Variants in TSNARE1 observed in about 807,000 individuals in gnomAD.
TSNARE1 encodes the protein t-SNARE domain-containing protein 1.
In TSNARE1, 49 loss-of-function variants were observed where a neutral mutation model predicts 62.0. The observed-to-expected ratio is 0.79, with a 90% CI of 0.63 to 1.00. The LOEUF (loss-of-function observed/expected upper bound fraction) is 1.00, where lower values mean the gene tolerates loss of function less well. TSNARE1 is among the 50% of genes least tolerant of loss of function. The probability of loss-of-function intolerance (pLI) is 0.00; values close to 1 mark genes in which losing one functional copy is unlikely to be tolerated. For missense variants in TSNARE1, 755 were observed against 700.1 expected, an observed-to-expected ratio of 1.08 and a Z score of -0.88; for synonymous variants, 328 against 294.4, an observed-to-expected ratio of 1.11 and a Z score of -1.17.
intron 6 of TSNARE1, among the ~76,000 whole-genome samples, chr8:142,321,772 C>T (rs1829517833): frequency 6.6e-6 from 1 of 152,024 alleles, no homozygotes; most frequent in South Asian, 2.1e-4. Flanking sequence ...AATAGAAAAC[C>T]TAAATAGCTC....
In TSNARE1 at chr8:142,354,272, G is replaced by A. The variant is rs535449041; in HGVS notation, c.88+365C>T. 1.2e-3 allele frequency among the ~76,000 whole-genome samples: 187 copies of A among 152,244 alleles called. 2 individuals carry two copies. Among genetic ancestry groups the A allele is most frequent in the African/African-American group, 4.4e-3 (181 of 41,534 alleles). On this transcript the variant is annotated intron_variant, in intron 2 of 13. Coordinates refer to ENST00000524325, the MANE Select transcript of TSNARE1 (RefSeq NM_145003.5). ...GCCTCAGCTTCCTCCTCTGTACAGAGTGCAAAGTGCCACCTGCTCCACACC... is the reference window on the plus strand; with the variant it reads ...GCCTCAGCTTCCTCCTCTGTACAGAATGCAAAGTGCCACCTGCTCCACACC...
At chr8:142,293,123 C>A (rs180946479) in intron 10 of TSNARE1, among the ~76,000 whole-genome samples, 1 of 152,176 alleles carries the variant, frequency 6.6e-6, no homozygotes, top group Non-Finnish European at 1.5e-5. Flanking sequence ...ACCCCTCCCT[C>A]GAGCAGCCGC....
intron 10 of TSNARE1, among the ~76,000 whole-genome samples, chr8:142,297,900 G>A (rs1013384520): frequency 6.6e-6 from 1 of 152,050 alleles, no homozygotes; most frequent in Non-Finnish European, 1.5e-5. Context: ...CTCCCACCCC[G>A]CCGCCCTCCG....
chr8:142,249,360 C>T (rs1003548142), intron 12 of TSNARE1, among the ~76,000 whole-genome samples: 3 of 152,128 alleles, frequency 2.0e-5, no homozygotes, highest in African/African-American at 4.8e-5. Flanking sequence ...GGAAGGCTGC[C>T]GAGGCCAGCG....
intron 9 of TSNARE1, among the ~76,000 whole-genome samples, chr8:142,310,382 G>A (rs1012553404): frequency 4.0e-5 from 6 of 151,612 alleles, no homozygotes; most frequent in African/African-American, 9.8e-5. Flanking sequence ...TCTGAAGCCC[G>A]CCAGTCCTCA....
At chr8:142,363,177 C>T (rs542804636) in intron 1 of TSNARE1, among the ~76,000 whole-genome samples, 4 of 152,226 alleles carry the variant, frequency 2.6e-5, no homozygotes, top group African/African-American at 9.6e-5. Flanking sequence ...TGGGGATGGC[C>T]CTACGGGTAG....
chr8:142,267,600 T>C (rs1256632337), intron 12 of TSNARE1, among the ~76,000 whole-genome samples: 1 of 152,098 alleles, frequency 6.6e-6, no homozygotes. Flanking sequence ...AGTCTGTCTG[T>C]AAAATGGGGG....
At chr8:142,268,269 G>A (rs1315823566) in intron 12 of TSNARE1, among the ~76,000 whole-genome samples, 2 of 152,226 alleles carry the variant, frequency 1.3e-5, no homozygotes, top group Admixed American at 1.3e-4. Context: ...GTCCTAGAGT[G>A]CAAAGGGCAC....
intron 10 of TSNARE1, among the ~76,000 whole-genome samples, chr8:142,299,232 G>T (rs1408104818): frequency 1.3e-5 from 2 of 152,212 alleles, no homozygotes; most frequent in Non-Finnish European, 2.9e-5. Context: ...AAGGGGCAAG[G>T]GAGAAGGGGC....
intron 13 of TSNARE1, among the ~76,000 whole-genome samples, chr8:142,221,736 T>G (rs62512618): frequency 3.6e-5 from 1 of 27,564 alleles, no homozygotes; most frequent in African/African-American, 1.3e-4. Context: ...CACTCACTCA[T>G]TCACTCACTC....
At chr8:142,401,375 C>T (rs181786727) in intron 1 of TSNARE1, among the ~76,000 whole-genome samples, 1 of 148,988 alleles carries the variant, frequency 6.7e-6, no homozygotes, top group Admixed American at 6.6e-5. Context: ...GGCTCTGCAT[C>T]GACAGGCACA....
At chr8:142,283,212 C>T (rs1279480959) in intron 11 of TSNARE1, among the ~76,000 whole-genome samples, 1 of 148,932 alleles carries the variant, frequency 6.7e-6, no homozygotes, top group Non-Finnish European at 1.5e-5. Flanking sequence ...TGTCTAAGGG[C>T]AAAAGCGGGA....
At chr8:142,278,838 G>C in intron 11 of TSNARE1, 102 of 958,666 alleles carry the variant, frequency 1.1e-4, no homozygotes, top group Non-Finnish European at 1.1e-4. Context: ...GGAGGGGGAG[G>C]CCACTGCAGG....
At chr8:142,305,025 G>A (rs1319017125) in intron 9 of TSNARE1, among the ~76,000 whole-genome samples, 3 of 152,174 alleles carry the variant, frequency 2.0e-5, no homozygotes, top group African/African-American at 4.8e-5. Context: ...TGGTGTGCCC[G>A]AGGACGGAGA....
intron 1 of TSNARE1, among the ~76,000 whole-genome samples, chr8:142,378,037 A>G (rs527846152): frequency 6.6e-6 from 1 of 152,166 alleles, no homozygotes; most frequent in African/African-American, 2.4e-5. Context: ...GTCCTTTCTG[A>G]TATCAAGACG....
At chr8:142,221,638 G>A (rs72499110) in intron 13 of TSNARE1, among the ~76,000 whole-genome samples, 11,846 of 145,760 alleles carry the variant, frequency 0.081, 1,876 homozygotes, top group African/African-American at 0.28. Flanking sequence ...CAAACTCATT[G>A]ACTCGTTCAT....
chr8:142,233,762 C>T (rs1352959295), intron 12 of TSNARE1, among the ~76,000 whole-genome samples: 1 of 152,180 alleles, frequency 6.6e-6, no homozygotes, highest in African/African-American at 2.4e-5. Flanking sequence ...AAGGGCTCTT[C>T]CCTCTGCCTG....
intron 12 of TSNARE1, 59 bp from the exon 13 acceptor site, chr8:142,229,638 G>T: frequency 6.5e-7 from 1 of 1,534,610 alleles, no homozygotes; most frequent in Non-Finnish European, 9.0e-7. Context: ...CATCCTCAGG[G>T]GCATTTGGCT....
intron 13 of TSNARE1, among the ~76,000 whole-genome samples, chr8:142,215,705 G>C (rs915733016): frequency 6.6e-6 from 1 of 152,200 alleles, no homozygotes; most frequent in Non-Finnish European, 1.5e-5. Flanking sequence ...TGGGAGGGAA[G>C]TCCCTGCCCC....
Sources: allele counts gnomAD v4.1 joint callset (sites outside exome capture counted in the v4.1 genomes callset), GRCh38; gene constraint gnomAD v4.1.1; transcripts MANE v1.5; gene names NCBI Gene and HGNC (gene_info 2026-07-23, HGNC 2026-07-21).